CRISPLD2: variants seen among roughly 807,000 people sequenced by gnomAD.
The protein encoded by CRISPLD2 is cysteine-rich secretory protein LCCL domain-containing 2.
CRISPLD2 carries 47 observed loss-of-function variants against 71.1 expected under a neutral mutation model. The observed-to-expected ratio is 0.66, with a 90% confidence interval of 0.52 to 0.84. The LOEUF is 0.84. Ranked by LOEUF, CRISPLD2 falls within the 40% of genes least tolerant of loss-of-function variation. CRISPLD2 has a pLI of 0.00. For synonymous variants in CRISPLD2, 317 were observed against 250.1 expected (o/e 1.27, Z -2.52); for missense variants, 830 against 651.1 (o/e 1.27, Z -2.99).
intron 4 of CRISPLD2, 113 bp from the exon 5 acceptor site, chr16:84,850,455 A>T: frequency 6.2e-6 from 5 of 804,870 alleles, no homozygotes; most frequent in African/African-American, 5.1e-5. Flanking sequence ...CTGCTTCCCC[A>T]ACCCTTCACC....
intron 13 of CRISPLD2, among the ~76,000 whole-genome samples, chr16:84,881,836 T>C (rs1985568): frequency 0.63 from 95,497 of 151,780 alleles, 31,513 homozygotes; most frequent in East Asian, 0.86. Flanking sequence ...TCTCTCCCGC[T>C]TCCCCGCCAT....
At chr16:84,871,918 A>G (rs1428643088) in intron 8 of CRISPLD2, among the ~76,000 whole-genome samples, 2 of 146,216 alleles carry the variant, frequency 1.4e-5, no homozygotes, top group African/African-American at 5.1e-5. Flanking sequence ...TTGACCTTCT[A>G]TTTCTGTGGA....
intron 8 of CRISPLD2, among the ~76,000 whole-genome samples, chr16:84,870,055 C>T (rs979878712): frequency 6.6e-6 from 1 of 152,224 alleles, no homozygotes; most frequent in Admixed American, 6.5e-5. Flanking sequence ...CATCCTCATT[C>T]TCTCTGTAGA....
chr16:84,832,109 T>C (rs918456444), intron 1 of CRISPLD2, among the ~76,000 whole-genome samples: 4 of 152,288 alleles, frequency 2.6e-5, no homozygotes, highest in African/African-American at 7.2e-5. Context: ...TGTCTGTTCA[T>C]AGCATTCCAC....
rs372954711 is a variant in CRISPLD2 at position 84,894,485 on chromosome 16, C to A, written c.1439+5122C>A. Among the ~76,000 whole-genome samples the A allele has an allele frequency of 2.6e-4, 40 of 152,256 alleles. No individual in the cohort carries two copies. The East Asian group carries it at 6.6e-3, about 25-fold the overall frequency. Reference sequence around the variant, plus strand: ...AATTCATTCACCTAACACTCATGGGCAGCCCCTGCGCTAGGGACTGGGGAC... The same window carrying A: ...AATTCATTCACCTAACACTCATGGGAAGCCCCTGCGCTAGGGACTGGGGAC... On this transcript the variant is annotated intron_variant, in intron 14 of 14. Coordinates refer to ENST00000262424, the MANE Select transcript of CRISPLD2 (RefSeq NM_031476.4).
At position 84,880,410 on chromosome 16, in the gene CRISPLD2, C is replaced by T. The variant is rs1204382872; in HGVS notation, c.1230-99C>T. On this transcript the variant is annotated intron_variant, in intron 12 of 14. Transcript: ENST00000262424. ...AAACTGTATGGCGGTTTCCTTTCAT[C>T]TACGAACTTAAATCTTGGAATTCAA... is the stretch of plus-strand genomic sequence containing the variant. The T allele has an allele frequency of 6.7e-6, 6 of 898,798 alleles. No individual in the cohort carries two copies. In the East Asian group the frequency reaches 1.5e-4, roughly 22 times the overall value. 55.7% of individuals were successfully genotyped at this position (898,798 alleles called of 1,614,324 possible). A position where few individuals can be genotyped will look rare whatever the true frequency, so the allele number is the denominator to read the frequency against.
At chr16:84,821,450 G>T (rs1426356448) in intron 1 of CRISPLD2, among the ~76,000 whole-genome samples, 1 of 152,186 alleles carries the variant, frequency 6.6e-6, no homozygotes, top group Non-Finnish European at 1.5e-5. Flanking sequence ...ACACCCCGGG[G>T]AGTAGGCCTC....
chr16:84,827,265 C>T (rs1015290936), intron 1 of CRISPLD2, among the ~76,000 whole-genome samples: 10 of 152,126 alleles, frequency 6.6e-5, no homozygotes, highest in Middle Eastern at 3.2e-3. Context: ...GGTTGAGCAC[C>T]GTGTCTGCGG....
intron 7 of CRISPLD2, 120 bp from the exon 8 acceptor site, chr16:84,868,731 G>A: frequency 1.2e-6 from 1 of 825,710 alleles, no homozygotes; most frequent in Non-Finnish European, 2.0e-6. Context: ...CATTGCCCTT[G>A]CTCTTAGTAT....
rs143085896 is a variant in CRISPLD2 at position 84,850,611 on chromosome 16, C to G, written c.536C>G (p.Thr179Ser). The G allele has an allele frequency of 1.5e-5, 25 of 1,614,162 alleles. No homozygotes were observed. The highest frequency in any genetic ancestry group is 6.7e-5 in the East Asian group (3 of 44,888). The change falls in exon 5 of 15, where the codon ACC becomes AGC. Residue 179 changes from threonine to serine, a missense_variant. By Grantham distance (58) the Thr-to-Ser change is moderately conservative. Coordinates refer to ENST00000262424, the MANE Select transcript of CRISPLD2 (RefSeq NM_031476.4). Reference protein sequence around the residue: ...TTNKIGCAVNTCRKMTVWGEV... With the variant: ...TTNKIGCAVNSCRKMTVWGEV... ...AACAAGATCGGTTGTGCTGTGAACA[C>G]CTGCCGGAAGATGACTGTCTGGGGA...
chr16:84,880,693 AAATTAATT>A (rs35870995), intron 13 of CRISPLD2, 109 bp downstream of exon 13: 5 of 593,666 alleles, frequency 8.4e-6, no homozygotes, highest in South Asian at 2.3e-5. Context: ...CCTCTTAGCT[AAATTAATT>A]AATTAATTAA....
intron 3 of CRISPLD2, chr16:84,849,090 G>C (rs752777028): frequency 1.3e-5 from 4 of 304,342 alleles, no homozygotes; most frequent in Non-Finnish European, 2.5e-5. Context: ...AGAGACCCCA[G>C]GTGAGCTCCT....
intron 14 of CRISPLD2, among the ~76,000 whole-genome samples, chr16:84,895,533 T>G (rs2071698619): frequency 6.6e-6 from 1 of 152,192 alleles, no homozygotes; most frequent in Admixed American, 6.5e-5. Context: ...TTTTCCCCCG[T>G]GCACATAAAA....
At chr16:84,861,732 T>C (rs1246902122) in intron 6 of CRISPLD2, among the ~76,000 whole-genome samples, 1 of 152,196 alleles carries the variant, frequency 6.6e-6, no homozygotes, top group Non-Finnish European at 1.5e-5. Context: ...TAGATCAGCC[T>C]GGACAACATA....
chr16:84,829,622 G>A (rs1776027041), intron 1 of CRISPLD2, among the ~76,000 whole-genome samples: 1 of 152,226 alleles, frequency 6.6e-6, no homozygotes, highest in South Asian at 2.1e-4. Context: ...CAGCTGAGTG[G>A]TGCAGGGCCA....
In CRISPLD2 at chr16:84,877,433, C is replaced by G. The variant is rs1248664737; in HGVS notation, c.1157-5C>G. 4 of 1,613,518 alleles carry G rather than the reference C, an allele frequency of 2.5e-6. No individual in the cohort carries two copies. Among genetic ancestry groups the G allele is most frequent in the Non-Finnish European group, 3.4e-6 (4 of 1,179,672 alleles). On this transcript the variant is annotated splice_region_variant and splice_polypyrimidine_tract_variant and intron_variant, in intron 11 of 14. Transcript: ENST00000262424. The stretch of plus-strand genomic sequence containing the variant: ...TGACCCTTTCCCCCTTGCTCCTGTT[C>G]ACAGTGCAGGATTTGGACTGCTACA...
chr16:84,824,204 T>C (rs1350363984), intron 1 of CRISPLD2, among the ~76,000 whole-genome samples: 1 of 152,150 alleles, frequency 6.6e-6, no homozygotes, highest in Non-Finnish European at 1.5e-5. Flanking sequence ...GGCCTGGGAC[T>C]CTTGGAGAAT....
At chr16:84,825,399 C>CA (rs1916327563) in intron 1 of CRISPLD2, among the ~76,000 whole-genome samples, 1 of 152,026 alleles carries the variant, frequency 6.6e-6, no homozygotes, top group South Asian at 2.1e-4. Context: ...GCTGTCTCTA[C>CA]AAAAAATTTA....
intron 7 of CRISPLD2, among the ~76,000 whole-genome samples, chr16:84,868,446 G>A (rs1012945910): frequency 6.6e-6 from 1 of 152,168 alleles, no homozygotes; most frequent in African/African-American, 2.4e-5. Flanking sequence ...CAGGCTCGGA[G>A]CAGCATCCTC....
Sources: gnomAD v4.1 joint callset for allele counts (sites outside exome capture counted in the v4.1 genomes callset) on GRCh38, gnomAD v4.1.1 for gene constraint, MANE v1.5 for transcripts, NCBI Gene and HGNC (gene_info 2026-07-23, HGNC 2026-07-21) for gene names.